MSN: variants seen among roughly 807,000 people sequenced by gnomAD.
MSN encodes the protein moesin.
In MSN, 2 loss-of-function variants were observed where a neutral mutation model predicts 48.0. The ratio of observed to expected loss-of-function variants is 0.04; its 90% CI spans 0.02 to 0.13. MSN has a LOEUF of 0.13. Among genes scored for constraint, MSN ranks in the 10% least tolerant of loss-of-function variants. The pLI is 1.00. For missense variants in MSN, 267 were observed against 470.1 expected, an observed-to-expected ratio of 0.57 and a Z score of 3.99; for synonymous variants, 146 against 166.9, an observed-to-expected ratio of 0.87 and a Z score of 0.97.
chrX:65,646,615 A>G (rs1362544577), intron 1 of MSN, among the ~76,000 whole-genome samples: 1 of 112,054 alleles, frequency 8.9e-6, no homozygotes, highest in Non-Finnish European at 1.9e-5. Context: ...CTTTAAAACT[A>G]TAAGCAGTTT....
chrX:65,677,808 C>A (rs1352259935), intron 1 of MSN, among the ~76,000 whole-genome samples: 2 of 111,318 alleles, frequency 1.8e-5, no homozygotes, highest in South Asian at 7.5e-4. Flanking sequence ...AACAAACCCC[C>A]CTCCCAGGTT....
chrX:65,738,553 G>A lies in MSN; in HGVS notation c.1280G>A (p.Arg427Gln), dbSNP rs777701828. The change falls in exon 11 of 13, where the codon CGA becomes CAA. Residue 427 changes from arginine to glutamine, a missense_variant. Physicochemically the swap from Arg to Gln is conservative, Grantham distance 43. Coordinates refer to ENST00000360270, the MANE Select transcript of MSN (RefSeq NM_002444.3). ...TTGGAAATGGCAGAGCTGACAGCTC[G>A]AATCTCCCAGCTGGAGATGGCCCGA... ...LALEMAELTA[R>Q]ISQLEMARQK... 3.1e-5 allele frequency: 38 copies of A among 1,206,844 alleles called. No homozygotes were observed. In the South Asian group the frequency reaches 6.2e-4, roughly 20 times the overall value.
intron 1 of MSN, among the ~76,000 whole-genome samples, chrX:65,658,933 C>T (rs1305612363): frequency 9.2e-6 from 1 of 108,348 alleles, no homozygotes; most frequent in Non-Finnish European, 1.9e-5. Context: ...CAACCTCCAC[C>T]TCCCGGGCTC....
chrX:65,727,650 A>T (rs1383298033), intron 2 of MSN, among the ~76,000 whole-genome samples, 164 bp from the exon 3 acceptor site: 1 of 112,060 alleles, frequency 8.9e-6, no homozygotes, highest in Non-Finnish European at 1.9e-5. Context: ...AGAGATGCCG[A>T]CATCAGTTCT....
rs368994969 is a variant in MSN at position 65,685,183 on chromosome X, T to C, written c.12+17330T>C. On this transcript the variant is annotated intron_variant, in intron 1 of 12. Coordinates refer to ENST00000360270, the MANE Select transcript of MSN (RefSeq NM_002444.3). ...TGATATGTGAACCCTTCTGTTGCGA[T>C]GAAAGATGATGGTAGCTGCTCCCCT... 5.6e-4 allele frequency among the ~76,000 whole-genome samples: 63 copies of C among 112,770 alleles called. 1 individual carries two copies. The Middle Eastern group carries it at 0.037, about 66-fold the overall frequency.
At chrX:65,707,790 A>G (rs1438028704) in intron 1 of MSN, among the ~76,000 whole-genome samples, 3 of 111,930 alleles carry the variant, frequency 2.7e-5, no homozygotes, top group Non-Finnish European at 5.6e-5. Flanking sequence ...CCTGCAGCCC[A>G]TCTTGCACTC....
At chrX:65,698,515 G>A (rs1195431048) in intron 1 of MSN, among the ~76,000 whole-genome samples, 1 of 112,452 alleles carries the variant, frequency 8.9e-6, no homozygotes, top group African/African-American at 3.2e-5. Context: ...TGGCTCCTTA[G>A]CTGAGGTGAT....
intron 1 of MSN, among the ~76,000 whole-genome samples, chrX:65,693,585 T>G (rs976771289): frequency 3.6e-5 from 4 of 111,974 alleles, no homozygotes; most frequent in East Asian, 2.8e-4. Context: ...GCGATTTTTT[T>G]GGGGGGCCTA....
chrX:65,651,185 C>G (rs2070738889), intron 1 of MSN, among the ~76,000 whole-genome samples: 1 of 109,933 alleles, frequency 9.1e-6, no homozygotes, highest in Non-Finnish European at 1.9e-5. Flanking sequence ...CTTTGGGAGG[C>G]TGAGGTAGGC....
chrX:65,728,055 A>ATTAT (rs2071585138), intron 3 of MSN, 146 bp downstream of exon 3: 1 of 454,371 alleles, frequency 2.2e-6, no homozygotes, highest in African/African-American at 2.4e-5. Context: ...GATCAGAATA[A>ATTAT]GGACCGAGGA....
At chrX:65,654,695 C>T (rs1015505160) in intron 1 of MSN, among the ~76,000 whole-genome samples, 1 of 111,347 alleles carries the variant, frequency 9.0e-6, no homozygotes, top group Non-Finnish European at 1.9e-5. Context: ...GCTATATATA[C>T]ATAAAGGCAT....
intron 1 of MSN, among the ~76,000 whole-genome samples, chrX:65,684,018 G>A (rs2071086073): frequency 9.9e-6 from 1 of 101,232 alleles, no homozygotes; most frequent in African/African-American, 3.7e-5. Flanking sequence ...TTGGCTCACT[G>A]CAACCTCCGC....
chrX:65,588,787 A>G (rs992961880), intron 1 of MSN: 2 of 212,697 alleles, frequency 9.4e-6, no homozygotes, highest in African/African-American at 6.2e-5. Context: ...CCCACCCCCC[A>G]ACCATTTGCT....
At chrX:65,693,210 G>A (rs937958967) in intron 1 of MSN, among the ~76,000 whole-genome samples, 1 of 111,193 alleles carries the variant, frequency 9.0e-6, no homozygotes, top group African/African-American at 3.3e-5. Flanking sequence ...GTATACATGG[G>A]GTCTGTGGTC....
chrX:65,660,786 T>C lies in MSN; in HGVS notation c.-21-56032T>C, dbSNP rs185879931. Among the ~76,000 whole-genome samples, 19 of 110,127 alleles carry C rather than the reference T, an allele frequency of 1.7e-4. No homozygotes were observed. The East Asian group carries it at 5.2e-3, about 30-fold the overall frequency. On this transcript the variant is annotated intron_variant, in intron 1 of 3. Coordinates refer to the MSN transcript ENST00000609672. The stretch of plus-strand genomic sequence containing the variant: ...TTCACCATGTTGGTCAGGCTGGTCT[T>C]GAACTCCTGACCTCGTGATCCGCCC...
chrX:65,623,812 C>CA lies in MSN; in HGVS notation c.-22+35216dup, dbSNP rs756007367. 5.5e-3 allele frequency among the ~76,000 whole-genome samples: 445 copies of CA among 81,388 alleles called. 15 individuals carry two copies. The highest frequency in any genetic ancestry group is 7.1e-3 in the Middle Eastern group (1 of 141). The allele number at this position is 81,388 out of a possible 115,157, so 70.7% of individuals were successfully genotyped here. A position where few individuals can be genotyped will look rare whatever the true frequency, so the allele number is the denominator to read the frequency against. On this transcript the variant is annotated intron_variant, in intron 1 of 3. Transcript: ENST00000609672. ...GGGCGACAAGAGAGAAACTCCGTCT[C>CA]AAAAAAAAAAAAAAAATTTTGGAAT... is the stretch of plus-strand genomic sequence containing the variant.
intron 2 of MSN, among the ~76,000 whole-genome samples, chrX:65,725,909 A>G (rs914815951): frequency 2.7e-5 from 3 of 112,510 alleles, no homozygotes; most frequent in African/African-American, 9.7e-5. Context: ...CTTAAGAGAA[A>G]AAAGAGATCA....
intron 1 of MSN, among the ~76,000 whole-genome samples, chrX:65,617,400 T>C (rs1281960226): frequency 9.3e-6 from 1 of 107,592 alleles, no homozygotes; most frequent in African/African-American, 3.7e-5. Flanking sequence ...TATTGGTCTA[T>C]TCAGAGATTC....
chrX:65,676,259 A>G (rs778021485), intron 1 of MSN, among the ~76,000 whole-genome samples: 2 of 111,729 alleles, frequency 1.8e-5, no homozygotes, highest in Non-Finnish European at 1.9e-5. Context: ...CTTTCAAAGC[A>G]CAGCCCTTTG....
Sources: gnomAD v4.1 joint callset for allele counts (sites outside exome capture counted in the v4.1 genomes callset) on GRCh38, gnomAD v4.1.1 for gene constraint, MANE v1.5 for transcripts, NCBI Gene and HGNC (gene_info 2026-07-23, HGNC 2026-07-21) for gene names.